PKN2: variants seen among roughly 807,000 people sequenced by gnomAD.
The protein encoded by PKN2 is serine/threonine-protein kinase N2.
In PKN2, 38 loss-of-function variants were observed where a neutral mutation model predicts 119.1. The ratio of observed to expected loss-of-function variants is 0.32; its 90% confidence interval spans 0.25 to 0.42. PKN2 has a LOEUF of 0.42. Ranked by LOEUF, PKN2 falls within the 10% of genes least tolerant of loss-of-function variation. PKN2 has a pLI of 1.00. For missense variants in PKN2, 850 were observed against 1,165.1 expected (o/e 0.73, Z 3.94); for synonymous variants, 390 against 384.9 (o/e 1.01, Z -0.15).
At chr1:88,689,122 T>C (rs1666232247) in intron 1 of PKN2, among the ~76,000 whole-genome samples, 1 of 151,882 alleles carries the variant, frequency 6.6e-6, no homozygotes, top group East Asian at 1.9e-4. Flanking sequence ...GGTTTGGGGG[T>C]TGGTGGTATG....
chr1:88,719,691 G>C (rs1209821168), intron 1 of PKN2, among the ~76,000 whole-genome samples: 1 of 152,054 alleles, frequency 6.6e-6, no homozygotes, highest in African/African-American at 2.4e-5. Context: ...GGGAGTTTTT[G>C]TGATAGATCT....
intron 2 of PKN2, among the ~76,000 whole-genome samples, chr1:88,750,882 A>G (rs924667812): frequency 6.6e-6 from 1 of 152,130 alleles, no homozygotes; most frequent in Non-Finnish European, 1.5e-5. Context: ...TCTCTTCTTC[A>G]TCTTTATTGC....
At chr1:88,737,809 AGTGGGCT>A in intron 1 of PKN2, among the ~76,000 whole-genome samples, 1 of 152,236 alleles carries the variant, frequency 6.6e-6, no homozygotes, top group Non-Finnish European at 1.5e-5. Flanking sequence ...CCTTACCCCA[AGTGGGCT>A]GTGTCTCTCT....
chr1:88,819,342 C>G (rs1181858446), intron 16 of PKN2, among the ~76,000 whole-genome samples: 3 of 151,896 alleles, frequency 2.0e-5, no homozygotes, highest in African/African-American at 7.3e-5. Context: ...AAAAAACAGC[C>G]CCATCAAAAA....
chr1:88,758,038 CAAAAAAAAA>C (rs33914457), intron 2 of PKN2, among the ~76,000 whole-genome samples: 1 of 59,070 alleles, frequency 1.7e-5, no homozygotes, highest in Admixed American at 2.4e-4. Flanking sequence ...GAGACTATCT[CAAAAAAAAA>C]AAAAAAAAAA....
intron 2 of PKN2, among the ~76,000 whole-genome samples, chr1:88,748,634 TTTAACA>T (rs1212456416): frequency 6.6e-6 from 1 of 152,148 alleles, no homozygotes; most frequent in African/African-American, 2.4e-5. Flanking sequence ...GTAACATATG[TTTAACA>T]TTATAAGAAG....
chr1:88,778,441 A>G (rs1361077013), intron 6 of PKN2, among the ~76,000 whole-genome samples: 2 of 152,228 alleles, frequency 1.3e-5, no homozygotes, highest in African/African-American at 2.4e-5. Flanking sequence ...AGAGTCAACC[A>G]TAGGTTAGAG....
intron 8 of PKN2, among the ~76,000 whole-genome samples, chr1:88,792,103 G>A (rs1570637607): frequency 6.6e-6 from 1 of 151,962 alleles, no homozygotes; most frequent in African/African-American, 2.4e-5. Flanking sequence ...AGATTCCACC[G>A]CTGTTAAAAA....
chr1:88,813,913 T>C (rs975664806), intron 16 of PKN2, among the ~76,000 whole-genome samples, 180 bp downstream of exon 16: 4 of 152,238 alleles, frequency 2.6e-5, no homozygotes, highest in African/African-American at 9.6e-5. Context: ...CTGTTGTCTG[T>C]GTTGAAAATG....
rs1557637748 is a variant in PKN2, at chr1:88,824,380, AAAG to A, written c.2417_2419del (p.Glu806del). ...GAAAATTGCTGATTTTGGTCTTTGC[AAAG>A]AAGGTAATCGAATGTTTTTAAGTTT... On this transcript the variant is annotated inframe_deletion, in exon 18 of 22. Coordinates refer to ENST00000370521, the MANE Select transcript of PKN2 (RefSeq NM_006256.4). 1 of 1,558,578 alleles carries A rather than the reference AAAG, an allele frequency of 6.4e-7. No individual in the cohort carries two copies. The highest frequency in any genetic ancestry group is 8.8e-7 in the Non-Finnish European group (1 of 1,130,102).
chr1:88,732,526 A>G (rs1336446679), intron 1 of PKN2, among the ~76,000 whole-genome samples: 3 of 152,306 alleles, frequency 2.0e-5, no homozygotes, highest in East Asian at 3.9e-4. Flanking sequence ...CTTAGGTAGC[A>G]TCTTGAACTT....
chr1:88,684,592 C>T lies in PKN2; in HGVS notation c.12C>T (p.Asn4=), dbSNP rs1209075574. The T allele has an allele frequency of 3.2e-6, 5 of 1,560,672 alleles. No homozygotes were observed. The highest frequency in any genetic ancestry group is 4.3e-6 in the Non-Finnish European group (5 of 1,153,774). The part of the protein sequence containing the change: MAS[N]PERGEILLTE... Reference sequence around the variant, plus strand: ...CATACCGGAGCGCAATGGCGTCCAACCCCGAACGGGGGGAGATTCTGCTCA... The same window carrying T: ...CATACCGGAGCGCAATGGCGTCCAATCCCGAACGGGGGGAGATTCTGCTCA... Residue 4 remains asparagine (N), a synonymous_variant, in exon 1 of 22, where the codon AAC becomes AAT. Transcript: ENST00000370521.
intron 2 of PKN2, among the ~76,000 whole-genome samples, chr1:88,748,093 T>C (rs1215784766): frequency 6.6e-6 from 1 of 152,208 alleles, no homozygotes; most frequent in Admixed American, 6.5e-5. Flanking sequence ...TTTTATGATA[T>C]ATTTTCCAAA....
chr1:88,720,237 T>C (rs1401266115), intron 1 of PKN2, among the ~76,000 whole-genome samples: 1 of 152,112 alleles, frequency 6.6e-6, no homozygotes, highest in Non-Finnish European at 1.5e-5. Flanking sequence ...CCCAGGCTGG[T>C]CTTGAACTCC....
At chr1:88,750,824 C>A (rs939283697) in intron 2 of PKN2, among the ~76,000 whole-genome samples, 4 of 152,100 alleles carry the variant, frequency 2.6e-5, no homozygotes, top group Non-Finnish European at 5.9e-5. Context: ...GTTTGTAAGT[C>A]GCCAAGCCTT....
At chr1:88,700,280 C>CT (rs1666723432) in intron 1 of PKN2, among the ~76,000 whole-genome samples, 1 of 152,064 alleles carries the variant, frequency 6.6e-6, no homozygotes, top group African/African-American at 2.4e-5. Flanking sequence ...AATGGGATTT[C>CT]TGGTTGAATG....
chr1:88,689,131 TGAG>T (rs1666232824), intron 1 of PKN2, among the ~76,000 whole-genome samples: 1 of 152,246 alleles, frequency 6.6e-6, no homozygotes, highest in East Asian at 1.9e-4. Flanking sequence ...GTTGGTGGTA[TGAG>T]AAGGTAAACA....
chr1:88,753,124 T>C (rs139999988), intron 2 of PKN2, among the ~76,000 whole-genome samples: 149 of 152,302 alleles, frequency 9.8e-4, no homozygotes, highest in African/African-American at 3.3e-3. Context: ...AGAATGCTTT[T>C]ATTTGCCTAC....
chr1:88,816,674 G>A (rs530940566), intron 16 of PKN2: 140 of 152,232 alleles, frequency 9.2e-4, no homozygotes, highest in African/African-American at 3.2e-3. Flanking sequence ...TTTTATTTTT[G>A]TTTTTTATTT....
Sources: allele counts gnomAD v4.1 joint callset (sites outside exome capture counted in the v4.1 genomes callset), GRCh38; gene constraint gnomAD v4.1.1; transcripts MANE v1.5; gene names NCBI Gene and HGNC (gene_info 2026-07-23, HGNC 2026-07-21).